The following GTPBP10 variants were observed in gnomAD, a reference collection of about 807,000 sequenced individuals.
GTPBP10 encodes the protein GTP-binding protein 10.
A neutral mutation model predicts 44.8 loss-of-function variants in GTPBP10; 38 were observed. The ratio of observed to expected loss-of-function variants is 0.85; its 90% CI spans 0.65 to 1.11. The LOEUF (loss-of-function observed/expected upper bound fraction) is 1.11. GTPBP10 is among the 50% of genes most tolerant of loss of function. The pLI is 0.00. For synonymous variants in GTPBP10, 152 were observed against 150.6 expected (o/e 1.01, Z -0.07); for missense variants, 462 against 453.7 (o/e 1.02, Z -0.17).
intron 5 of GTPBP10, among the ~76,000 whole-genome samples, chr7:90,372,901 T>C (rs528580065): frequency 6.6e-6 from 1 of 152,292 alleles, no homozygotes; most frequent in East Asian, 1.9e-4. Context: ...GTTTGTAGAC[T>C]AGTGGAGTAA....
At chr7:90,356,224 G>C (rs1269855671) in intron 4 of GTPBP10, among the ~76,000 whole-genome samples, 5 of 152,036 alleles carry the variant, frequency 3.3e-5, no homozygotes, top group Admixed American at 2.6e-4. Flanking sequence ...TACCACCATT[G>C]GTTTAGGGTT....
intron 8 of GTPBP10, among the ~76,000 whole-genome samples, chr7:90,379,250 G>T (rs1796395755): frequency 6.6e-6 from 1 of 152,022 alleles, no homozygotes; most frequent in African/African-American, 2.4e-5. Flanking sequence ...ATAATCATCA[G>T]CCCTTCTTAT....
intron 1 of GTPBP10, among the ~76,000 whole-genome samples, chr7:90,347,253 A>T (rs1157945549): frequency 6.6e-6 from 1 of 152,154 alleles, no homozygotes; most frequent in South Asian, 2.1e-4. Flanking sequence ...TTTCCGTAAA[A>T]ATTTACAACT....
chr7:90,379,559 C>T (rs1796399793), intron 8 of GTPBP10, among the ~76,000 whole-genome samples: 1 of 152,204 alleles, frequency 6.6e-6, no homozygotes, highest in African/African-American at 2.4e-5. Context: ...TATTGCCTTA[C>T]CTCCAGGATT....
At position 90,361,190 on chromosome 7, in the gene GTPBP10, G is replaced by A. The variant is rs576401945; in HGVS notation, c.464+5960G>A. On this transcript the variant is annotated intron_variant, in intron 4 of 9. Coordinates refer to ENST00000222511, the MANE Select transcript of GTPBP10 (RefSeq NM_033107.4). The stretch of plus-strand genomic sequence containing the variant: ...ACTATGTTGAATAGAAGTGGCGAGA[G>A]AGGGCATCCCTGTGTTGTGCTGGTT... 8.5e-5 allele frequency among the ~76,000 whole-genome samples: 13 copies of A among 152,288 alleles called. No individual in the cohort carries two copies. The South Asian group carries it at 2.7e-3, about 32-fold the overall frequency.
chr7:90,351,702 A>T (rs1795793622), intron 1 of GTPBP10, among the ~76,000 whole-genome samples: 1 of 148,168 alleles, frequency 6.7e-6, no homozygotes, highest in Non-Finnish European at 1.5e-5. Context: ...TTTCATAAGC[A>T]TTTTTTTTTT....
chr7:90,350,691 C>T (rs1795774800), intron 1 of GTPBP10, among the ~76,000 whole-genome samples: 1 of 152,172 alleles, frequency 6.6e-6, no homozygotes, highest in Non-Finnish European at 1.5e-5. Context: ...AAAGTTAATT[C>T]ACAAAAAGTG....
At position 90,374,288 on chromosome 7, in the gene GTPBP10, G is replaced by A. The variant is rs887481163; in HGVS notation, c.539-14G>A. The A allele has an allele frequency of 4.5e-6, 7 of 1,568,278 alleles. No individual in the cohort carries two copies. The highest frequency in any genetic ancestry group is 2.7e-5 in the African/African-American group (2 of 73,902). On this transcript the variant is annotated splice_polypyrimidine_tract_variant and intron_variant, in intron 5 of 9. Coordinates refer to ENST00000222511, the MANE Select transcript of GTPBP10 (RefSeq NM_033107.4). ...TAAATTCTAGCCTTAATTTATTGCT[G>A]TGTTTCCTTTTAGTTACAACATTAA...
chr7:90,377,534 A>G lies in GTPBP10; in HGVS notation c.619A>G (p.Ile207Val). ...ATCAGTAGCTGATCTTCCGGGTTTA[A>G]TAGAAGGAGCACATATGAACAAAGG... ...QISVADLPGL[I>V]EGAHMNKGMG... Residue 207 changes from isoleucine to valine, a missense_variant, in exon 7 of 10, where the codon ATA becomes GTA. Transcript: ENST00000222511. 1 of 1,609,630 alleles carries G rather than the reference A, an allele frequency of 6.2e-7. No homozygotes were observed. Among genetic ancestry groups the G allele is most frequent in the East Asian group, 2.2e-5 (1 of 44,700 alleles).
At chr7:90,364,947 C>T (rs1223915140) in intron 4 of GTPBP10, among the ~76,000 whole-genome samples, 2 of 152,230 alleles carry the variant, frequency 1.3e-5, no homozygotes, top group African/African-American at 4.8e-5. Context: ...AATATAATCT[C>T]ATGTTGTGCC....
intron 1 of GTPBP10, among the ~76,000 whole-genome samples, chr7:90,348,488 G>C (rs1342534282): frequency 6.6e-6 from 1 of 152,100 alleles, no homozygotes; most frequent in Non-Finnish European, 1.5e-5. Flanking sequence ...TACTAAGAAA[G>C]TCAGAAAGAA....
intron 7 of GTPBP10, 80 bp downstream of exon 7, chr7:90,377,694 ATAAG>A: frequency 1.1e-6 from 1 of 921,238 alleles, no homozygotes; most frequent in East Asian, 2.6e-5. Flanking sequence ...TTTTTTATAA[ATAAG>A]AAAGTGGTAG....
chr7:90,363,919 G>A (rs949457776), intron 4 of GTPBP10, among the ~76,000 whole-genome samples: 4 of 152,084 alleles, frequency 2.6e-5, no homozygotes, highest in Admixed American at 6.5e-5. Context: ...TCTTCCAGTT[G>A]ATCAAATCAG....
At chr7:90,366,998 A>G (rs1469007810) in intron 4 of GTPBP10, among the ~76,000 whole-genome samples, 1 of 152,108 alleles carries the variant, frequency 6.6e-6, no homozygotes, top group Non-Finnish European at 1.5e-5. Context: ...CTGTGTTCTC[A>G]TTGGTTTCAA....
intron 6 of GTPBP10, among the ~76,000 whole-genome samples, chr7:90,377,182 C>G (rs1448647740): frequency 6.6e-6 from 1 of 152,106 alleles, no homozygotes; most frequent in Admixed American, 6.5e-5. Context: ...TATGGTCACA[C>G]CACTGCACTC....
At chr7:90,351,397 T>C (rs1795788957) in intron 1 of GTPBP10, among the ~76,000 whole-genome samples, 1 of 152,188 alleles carries the variant, frequency 6.6e-6, no homozygotes. Flanking sequence ...CTGGGCAACA[T>C]AGCAAAACCC....
chr7:90,380,147 C>T (rs998858312), intron 8 of GTPBP10, among the ~76,000 whole-genome samples: 7 of 143,240 alleles, frequency 4.9e-5, no homozygotes, highest in East Asian at 2.1e-4. Context: ...GGCACAGTCT[C>T]GGCTTAATGC....
chr7:90,359,762 T>C (rs895699732), intron 4 of GTPBP10, among the ~76,000 whole-genome samples: 1 of 152,222 alleles, frequency 6.6e-6, no homozygotes, highest in Non-Finnish European at 1.5e-5. Flanking sequence ...CCACCAACAA[T>C]GTAGAAGTGT....
intron 8 of GTPBP10, 22 bp from the exon 9 acceptor site, chr7:90,382,934 G>T: frequency 6.8e-7 from 1 of 1,460,110 alleles, no homozygotes; most frequent in South Asian, 1.6e-5. Context: ...AAAATTATTG[G>T]GTTTTCTCTT....
Sources: gnomAD v4.1 joint callset for allele counts (sites outside exome capture counted in the v4.1 genomes callset) on GRCh38, gnomAD v4.1.1 for gene constraint, MANE v1.5 for transcripts, NCBI Gene and HGNC (gene_info 2026-07-23, HGNC 2026-07-21) for gene names.